NLRP5: variants seen among roughly 807,000 people sequenced by gnomAD.
The protein encoded by NLRP5 is NACHT, LRR and PYD domains-containing protein 5.
NLRP5 carries 93 observed loss-of-function variants against 113.1 expected under a neutral mutation model. The ratio of observed to expected loss-of-function variants is 0.82; its 90% confidence interval spans 0.70 to 0.98. The LOEUF is 0.98. NLRP5 is among the 50% of genes least tolerant of loss of function. The pLI is 0.00. For missense variants in NLRP5, 1,808 were observed against 1,514.3 expected, an observed-to-expected ratio of 1.19 and a Z score of -3.22; for synonymous variants, 751 against 600.7, an observed-to-expected ratio of 1.25 and a Z score of -3.66.
rs530032335 is a variant in NLRP5, at chr19:56,051,998, C to T, written c.3128+1410C>T. 1.4e-4 allele frequency among the ~76,000 whole-genome samples: 21 copies of T among 152,286 alleles called. No individual in the cohort carries two copies. In the South Asian group the frequency reaches 3.5e-3, roughly 26 times the overall value. The stretch of plus-strand genomic sequence containing the variant: ...TTAATTGTTTCAAGCCCTACTTCTG[C>T]ATGGTGTAGAATCTTAGTCAATTAG... On this transcript the variant is annotated intron_variant, in intron 12 of 14. Coordinates refer to ENST00000390649, the MANE Select transcript of NLRP5 (RefSeq NM_153447.4).
intron 2 of NLRP5, among the ~76,000 whole-genome samples, chr19:56,007,342 C>T (rs573797608): frequency 7.1e-6 from 1 of 140,324 alleles, no homozygotes; most frequent in East Asian, 2.1e-4. Flanking sequence ...CCAGCCTGGG[C>T]GACAGATTGA....
intron 4 of NLRP5, among the ~76,000 whole-genome samples, chr19:56,017,874 C>T (rs915769124): frequency 2.6e-5 from 4 of 152,194 alleles, no homozygotes; most frequent in Non-Finnish European, 4.4e-5. Flanking sequence ...AGTGCGGTCG[C>T]GCAATCTTGG....
chr19:56,014,157 T>A (rs911307364), intron 3 of NLRP5, among the ~76,000 whole-genome samples: 6 of 152,142 alleles, frequency 3.9e-5, no homozygotes, highest in African/African-American at 1.4e-4. Flanking sequence ...TCCTTGATTG[T>A]TTGTGCTTTT....
At chr19:55,990,079 C>CTTTTCTTTTCTTTTT in the NLRP5 span, among the ~76,000 whole-genome samples, 2 of 95,958 alleles carry the variant, frequency 2.1e-5, no homozygotes, top group African/African-American at 4.0e-5. Context: ...TTTCTTTTTT[C>CTTTTCTTTTCTTTTT]TTTTTTTTTT....
rs771206697 is a variant in NLRP5 at position 56,004,005 on chromosome 19, G to A, written c.352G>A (p.Gly118Arg). ...GGCACTCCTCTTGCATGAGTATTAT[G>A]GAGCATCGCTGGCCTGGGCTACGTC... Residue 118 changes from glycine (G) to arginine (R), a missense_variant, in exon 2 of 15, where the codon GGA becomes AGA. Physicochemically the swap from Gly to Arg is moderately radical, Grantham distance 125. Coordinates refer to ENST00000390649, the MANE Select transcript of NLRP5 (RefSeq NM_153447.4). 6.2e-7 allele frequency: 1 copy of A among 1,613,974 alleles called. No homozygotes were observed. The highest frequency in any genetic ancestry group is 1.3e-5 in the African/African-American group (1 of 75,030).
chr19:56,034,420 C>G (rs1416546523), intron 9 of NLRP5, among the ~76,000 whole-genome samples: 1 of 152,202 alleles, frequency 6.6e-6, no homozygotes, highest in Non-Finnish European at 1.5e-5. Context: ...GCAGTTTCTC[C>G]CAGTGGTTAA....
At chr19:55,999,477 G>A (rs541788672), upstream of NLRP5, among the ~76,000 whole-genome samples, 9 of 151,976 alleles carry the variant, frequency 5.9e-5, no homozygotes, top group Non-Finnish European at 7.4e-5. Flanking sequence ...CGGCAGTAGC[G>A]TCGTAAGCCT....
intron 8 of NLRP5, among the ~76,000 whole-genome samples, chr19:56,033,091 CA>C (rs536480507): frequency 1.3e-4 from 20 of 148,562 alleles, no homozygotes; most frequent in African/African-American, 3.2e-4. Flanking sequence ...ACTAAAAATA[CA>C]AAAAAAAAAT....
At chr19:56,030,951 A>G (rs1426746971) in intron 7 of NLRP5, among the ~76,000 whole-genome samples, 1 of 151,494 alleles carries the variant, frequency 6.6e-6, no homozygotes, top group Non-Finnish European at 1.5e-5. Flanking sequence ...TGACCTTGTG[A>G]TCCTCCCATC....
chr19:56,011,708 C>A (rs1395405829), intron 3 of NLRP5, among the ~76,000 whole-genome samples: 2 of 143,162 alleles, frequency 1.4e-5, no homozygotes, highest in Non-Finnish European at 3.1e-5. Flanking sequence ...TTTTTTCTTT[C>A]CCGCCTAGAT....
At chr19:56,047,394 A>G (rs1320002151) in intron 11 of NLRP5, among the ~76,000 whole-genome samples, 5 of 152,148 alleles carry the variant, frequency 3.3e-5, no homozygotes, top group Admixed American at 2.0e-4. Flanking sequence ...ACCTGTTAGC[A>G]CTGCCTTTGC....
At chr19:55,992,525 G>A in the NLRP5 span, among the ~76,000 whole-genome samples, 1 of 152,174 alleles carries the variant, frequency 6.6e-6, no homozygotes. Context: ...AACCTCAGCA[G>A]CGTCGGTTTT....
rs150936685 is a variant in NLRP5, at chr19:56,005,640, A to G, written c.442+1545A>G. 8.1e-3 allele frequency among the ~76,000 whole-genome samples: 1,146 copies of G among 141,926 alleles called. 26 individuals are homozygous for G. The highest frequency in any genetic ancestry group is 0.022 in the African/African-American group (801 of 36,260). 93.1% of individuals were successfully genotyped at this position (141,926 alleles called of 152,430 possible). On this transcript the variant is annotated intron_variant, in intron 2 of 14. Transcript: ENST00000390649. ...TATATATTTATACACACACACACAC[A>G]CACGCGCGCAGGTGGCATGCCTGCA...
chr19:56,044,819 T>A (rs1358545377), intron 11 of NLRP5, among the ~76,000 whole-genome samples: 1 of 152,206 alleles, frequency 6.6e-6, no homozygotes, highest in East Asian at 1.9e-4. Context: ...TTCACAATAT[T>A]GATTCTACCC....
intron 6 of NLRP5, among the ~76,000 whole-genome samples, chr19:56,025,993 A>G (rs1982828989): frequency 6.6e-6 from 1 of 152,210 alleles, no homozygotes; most frequent in African/African-American, 2.4e-5. Flanking sequence ...GGGGGAGACC[A>G]TCAGCAAATA....
the NLRP5 span, among the ~76,000 whole-genome samples, chr19:55,992,039 T>G: frequency 6.6e-5 from 10 of 152,172 alleles, no homozygotes; most frequent in African/African-American, 2.4e-4. Context: ...CACCCTCAGG[T>G]AGACCCCAGT....
At chr19:56,049,998 G>A (rs1983870167) in intron 11 of NLRP5, among the ~76,000 whole-genome samples, 1 of 152,086 alleles carries the variant, frequency 6.6e-6, no homozygotes, top group African/African-American at 2.4e-5. Context: ...TCTTAAACCT[G>A]GCCAGGTGTG....
chr19:56,008,711 C>A, intron 2 of NLRP5, 77 bp from the exon 3 acceptor site: 1 of 1,286,244 alleles, frequency 7.8e-7, no homozygotes, highest in South Asian at 1.3e-5. Context: ...AATTTGGACA[C>A]GGGACATTCT....
At chr19:56,033,742 T>G in intron 9 of NLRP5, 33 bp downstream of exon 9, 1 of 1,553,862 alleles carries the variant, frequency 6.4e-7, no homozygotes, top group East Asian at 2.3e-5. Flanking sequence ...GCCTTGTTTT[T>G]CTTCGTTTTT....
Sources: gnomAD v4.1 joint callset for allele counts (sites outside exome capture counted in the v4.1 genomes callset) on GRCh38, gnomAD v4.1.1 for gene constraint, MANE v1.5 for transcripts, NCBI Gene and HGNC (gene_info 2026-07-23, HGNC 2026-07-21) for gene names.